IDE: variants seen among roughly 807,000 people sequenced by gnomAD.
IDE encodes the protein insulin degrading enzyme, also known as insulin-degrading enzyme.
In IDE, 58 loss-of-function variants were observed where a neutral mutation model predicts 133.2. The observed-to-expected ratio is 0.44, with a 90% CI of 0.35 to 0.54. IDE has a LOEUF of 0.54. IDE is among the 20% of genes least tolerant of loss of function. The pLI, the probability that IDE is intolerant of heterozygous loss-of-function variation, is 0.00. For synonymous variants in IDE, 396 were observed against 421.3 expected (o/e 0.94, Z 0.73); for missense variants, 981 against 1,234.0 (o/e 0.79, Z 3.07).
rs147012131 is a variant in IDE at position 92,487,236 on chromosome 10, G to A, written c.1616C>T (p.Pro539Leu). Residue 539 changes from proline (P) to leucine (L), a missense_variant, in exon 13 of 25, where the codon CCG (proline) becomes CTG (leucine). By Grantham distance (98) the Pro-to-Leu change is moderately conservative. Coordinates refer to ENST00000265986, the MANE Select transcript of IDE (RefSeq NM_004969.4). Reference sequence around the variant, plus strand: ...GTATGGTGTCGCCTCTTTTTCTAACGGTAAAATCTCAAAATTCGTAGGAAT... The same window carrying A: ...GTATGGTGTCGCCTCTTTTTCTAACAGTAAAATCTCAAAATTCGTAGGAAT... ...EFIPTNFEIL[P>L]LEKEATPYPA... The A allele has an allele frequency of 2.6e-5, 42 of 1,612,940 alleles. No homozygotes were observed. The highest frequency in any genetic ancestry group is 1.6e-4 in the East Asian group (7 of 44,830).
At position 92,537,553 on chromosome 10, in the gene IDE, G is replaced by T; in HGVS notation, c.99-3C>A. 1 of 1,576,724 alleles carries T rather than the reference G, an allele frequency of 6.3e-7. No homozygotes were observed. The highest frequency in any genetic ancestry group is 1.2e-5 in the South Asian group (1 of 86,256). On this transcript the variant is annotated splice_region_variant and splice_polypyrimidine_tract_variant and intron_variant, in intron 1 of 24. Transcript: ENST00000265986. Reference sequence around the variant, plus strand: ...TGCTGTAAGTCTTTTTTTGGAAACTGAAAAGAAAGAGATTTTTAATTGTTG... The same window carrying T: ...TGCTGTAAGTCTTTTTTTGGAAACTTAAAAGAAAGAGATTTTTAATTGTTG...
chr10:92,543,999 G>A (rs1053820117), intron 1 of IDE, among the ~76,000 whole-genome samples: 5 of 152,150 alleles, frequency 3.3e-5, no homozygotes, highest in African/African-American at 9.7e-5. Flanking sequence ...TTGGGAGGCC[G>A]AGGTGGGCAG....
At chr10:92,572,968 T>C (rs1435407494) in intron 1 of IDE, 1 of 985,182 alleles carries the variant, frequency 1.0e-6, no homozygotes. Context: ...CAAGTCAAAG[T>C]TCCTTGGAAG....
chr10:92,456,525 C>T (rs932932617), intron 22 of IDE, 94 bp from the exon 23 acceptor site: 37 of 875,540 alleles, frequency 4.2e-5, no homozygotes, highest in Non-Finnish European at 6.4e-5. Flanking sequence ...AGCTATCACA[C>T]AGTCAGATAT....
At chr10:92,502,956 C>T (rs988172566) in intron 11 of IDE, among the ~76,000 whole-genome samples, 1 of 152,082 alleles carries the variant, frequency 6.6e-6, no homozygotes, top group Non-Finnish European at 1.5e-5. Context: ...CAAGAAACTG[C>T]GTAGGAAACA....
chr10:92,502,106 C>T (rs926215904), intron 11 of IDE, among the ~76,000 whole-genome samples: 6 of 152,084 alleles, frequency 3.9e-5, no homozygotes, highest in Admixed American at 1.3e-4. Context: ...CCCGCCACTA[C>T]AGTCCAGCCT....
intron 4 of IDE, among the ~76,000 whole-genome samples, chr10:92,520,737 G>T (rs1210109209): frequency 6.6e-6 from 1 of 152,144 alleles, no homozygotes; most frequent in Admixed American, 6.5e-5. Context: ...GCAAGTACAA[G>T]ATATGAGTTA....
chr10:92,514,883 AT>A (rs1203981091), intron 5 of IDE, 36 bp downstream of exon 5: 2 of 1,568,226 alleles, frequency 1.3e-6, no homozygotes, highest in East Asian at 4.5e-5. Flanking sequence ...AAAAACTTAT[AT>A]TATCCAATTC....
intron 1 of IDE, among the ~76,000 whole-genome samples, chr10:92,566,406 C>T (rs1170643447): frequency 6.9e-6 from 1 of 144,804 alleles, no homozygotes; most frequent in African/African-American, 2.6e-5. Context: ...CTCTCTCTCT[C>T]TCTCTCTCAC....
intron 9 of IDE, 53 bp from the exon 10 acceptor site, chr10:92,506,575 T>A: frequency 2.5e-5 from 14 of 560,968 alleles, no homozygotes; most frequent in Non-Finnish European, 4.2e-5. Flanking sequence ...TTAGAAACCT[T>A]TTTTTTTTTT....
chr10:92,463,078 T>TA (rs900698248), intron 21 of IDE, among the ~76,000 whole-genome samples: 3 of 152,028 alleles, frequency 2.0e-5, no homozygotes, highest in African/African-American at 7.2e-5. Context: ...AAAACAAAAA[T>TA]AAAAATTATG....
In IDE at chr10:92,463,732, T is replaced by G; in HGVS notation, c.2760A>C (p.Arg920Ser). Residue 920 changes from arginine (R) to serine (S), a missense_variant and splice_region_variant, in exon 21 of 25, where the codon AGA becomes AGC. Transcript: ENST00000265986. ...EIISQQYNFD[R>S]DNTEVAYLKT... ...GTTGGAGCCCTAATTTTACCTTACC[T>G]CTGTCAAAATTATATTGCTGGGAGA... 1.2e-6 allele frequency: 2 copies of G among 1,613,050 alleles called. No individual in the cohort carries two copies. Among genetic ancestry groups the G allele is most frequent in the Non-Finnish European group, 1.7e-6 (2 of 1,179,174 alleles).
chr10:92,514,200 G>C (rs1848782113), intron 5 of IDE, among the ~76,000 whole-genome samples: 1 of 152,038 alleles, frequency 6.6e-6, no homozygotes, highest in Non-Finnish European at 1.5e-5. Context: ...AGAAAGACTA[G>C]AGCAATTGAT....
In IDE at chr10:92,452,524, C is replaced by T. The variant is rs1296128140; in HGVS notation, c.*1920G>A. 1 of 152,200 alleles carries T rather than the reference C, an allele frequency of 6.6e-6. No homozygotes were observed. The highest frequency in any genetic ancestry group is 2.4e-5 in the African/African-American group (1 of 41,448). 9.4% of individuals were successfully genotyped at this position (152,200 alleles called of 1,614,324 possible). A position where few individuals can be genotyped will look rare whatever the true frequency, so the allele number is the denominator to read the frequency against. ...GATCAACAGCAGCTCTAGATCCAAC[C>T]TGGAAATTGGAAAATGCTGACGCAT... On this transcript the variant is annotated 3_prime_UTR_variant, in exon 25 of 25. Coordinates refer to ENST00000265986, the MANE Select transcript of IDE (RefSeq NM_004969.4).
At chr10:92,473,376 G>C (rs984436433) in intron 17 of IDE, among the ~76,000 whole-genome samples, 1 of 151,766 alleles carries the variant, frequency 6.6e-6, no homozygotes, top group Non-Finnish European at 1.5e-5. Flanking sequence ...AAGAAATCCT[G>C]AAAGTAATTT....
chr10:92,514,072 AC>A (rs1271001102), intron 5 of IDE, among the ~76,000 whole-genome samples: 1 of 152,204 alleles, frequency 6.6e-6, no homozygotes, highest in Non-Finnish European at 1.5e-5. Flanking sequence ...TATGTACTAT[AC>A]TGACAGAAAC....
intron 1 of IDE, among the ~76,000 whole-genome samples, chr10:92,563,794 T>G (rs1843393887): frequency 6.6e-6 from 1 of 151,918 alleles, no homozygotes; most frequent in Non-Finnish European, 1.5e-5. Context: ...AAGCAAATCT[T>G]TAAGTTCAAT....
At chr10:92,547,563 G>C (rs563115404) in intron 1 of IDE, among the ~76,000 whole-genome samples, 2 of 152,276 alleles carry the variant, frequency 1.3e-5, no homozygotes, top group African/African-American at 4.8e-5. Context: ...TTTACCGATA[G>C]AGCATCTACT....
At chr10:92,522,883 G>A (rs941561376) in intron 4 of IDE, among the ~76,000 whole-genome samples, 1 of 152,096 alleles carries the variant, frequency 6.6e-6, no homozygotes, top group Non-Finnish European at 1.5e-5. Context: ...AGAAAAAGGA[G>A]GAAGAAAATG....
Sources: allele counts gnomAD v4.1 joint callset (sites outside exome capture counted in the v4.1 genomes callset), GRCh38; gene constraint gnomAD v4.1.1; transcripts MANE v1.5; gene names NCBI Gene and HGNC (gene_info 2026-07-23, HGNC 2026-07-21).